The following DTNBP1 variants were observed in gnomAD, a reference collection of about 807,000 sequenced individuals.
The protein encoded by DTNBP1 is dystrobrevin binding protein 1.
DTNBP1 carries 35 observed loss-of-function variants against 42.8 expected under a neutral mutation model. The observed-to-expected ratio is 0.82, with a 90% CI of 0.63 to 1.09. The LOEUF is 1.09. Among genes scored for constraint, DTNBP1 ranks in the 50% least tolerant of loss-of-function variants. The pLI is 0.00. For synonymous variants in DTNBP1, 171 were observed against 162.2 expected (o/e 1.05, Z -0.41); for missense variants, 457 against 424.2 (o/e 1.08, Z -0.68).
intron 7 of DTNBP1, among the ~76,000 whole-genome samples, chr6:15,566,141 C>CG (rs1775065101): frequency 6.6e-6 from 1 of 151,684 alleles, no homozygotes; most frequent in Non-Finnish European, 1.5e-5. Flanking sequence ...GGTGAAACCC[C>CG]GTCTCTACTA....
intron 6 of DTNBP1, among the ~76,000 whole-genome samples, chr6:15,609,122 A>C (rs1000671198): frequency 2.0e-5 from 3 of 151,450 alleles, no homozygotes; most frequent in Admixed American, 6.6e-5. Context: ...TTAGAGGTTT[A>C]ACATTATCTT....
chr6:15,532,717 T>C (rs1369653508), intron 8 of DTNBP1, among the ~76,000 whole-genome samples: 1 of 146,804 alleles, frequency 6.8e-6, no homozygotes, highest in Non-Finnish European at 1.5e-5. Flanking sequence ...TTTTTTTTTT[T>C]TTGAGACAGT....
chr6:15,540,701 G>A (rs1773507353), intron 7 of DTNBP1, among the ~76,000 whole-genome samples: 1 of 152,106 alleles, frequency 6.6e-6, no homozygotes, highest in Admixed American at 6.6e-5. Context: ...GAGTGCAGTG[G>A]CGCGATCTCG....
intron 7 of DTNBP1, among the ~76,000 whole-genome samples, chr6:15,542,787 G>A (rs972550453): frequency 6.6e-6 from 1 of 152,070 alleles, no homozygotes; most frequent in Non-Finnish European, 1.5e-5. Flanking sequence ...CACCTCCTGG[G>A]TTTAAGTGAT....
rs191162941 is a variant in DTNBP1, at chr6:15,653,447, G to A, written c.57-1307C>T. Reference sequence around the variant, plus strand: ...CAGCTCTCACTCACTGCTTCTGCCAGCTATTTAATTCTAGCAGTCTCCTCC... The same window carrying A: ...CAGCTCTCACTCACTGCTTCTGCCAACTATTTAATTCTAGCAGTCTCCTCC... On this transcript the variant is annotated intron_variant, in intron 1 of 9. Coordinates refer to ENST00000344537, the MANE Select transcript of DTNBP1 (RefSeq NM_032122.5). 2.8e-4 allele frequency among the ~76,000 whole-genome samples: 42 copies of A among 152,278 alleles called. 1 individual carries two copies. The highest frequency in any genetic ancestry group is 1.8e-4 in the Non-Finnish European group (12 of 68,030).
At chr6:15,544,642 C>T (rs921538680) in intron 7 of DTNBP1, among the ~76,000 whole-genome samples, 2 of 152,202 alleles carry the variant, frequency 1.3e-5, no homozygotes, top group Non-Finnish European at 2.9e-5. Context: ...TGAGCACCTA[C>T]CTGATTCTAA....
At chr6:15,599,372 TG>T (rs1776635184) in intron 6 of DTNBP1, among the ~76,000 whole-genome samples, 1 of 152,158 alleles carries the variant, frequency 6.6e-6, no homozygotes, top group Admixed American at 6.5e-5. Context: ...GGCTTGAGGA[TG>T]GAAGGCCACA....
intron 4 of DTNBP1, among the ~76,000 whole-genome samples, chr6:15,636,309 C>T (rs1314976356): frequency 2.6e-5 from 4 of 152,070 alleles, no homozygotes; most frequent in Non-Finnish European, 4.4e-5. Flanking sequence ...AGCCACCACG[C>T]CCAGCTAATT....
intron 7 of DTNBP1, among the ~76,000 whole-genome samples, chr6:15,549,804 T>G (rs969136483): frequency 1.3e-5 from 2 of 152,210 alleles, no homozygotes; most frequent in African/African-American, 4.8e-5. Context: ...GATTCAGTAT[T>G]TTTAGGTTTA....
intron 2 of DTNBP1, among the ~76,000 whole-genome samples, chr6:15,651,709 C>T (rs777888898): frequency 1.3e-5 from 2 of 152,128 alleles, no homozygotes; most frequent in Non-Finnish European, 2.9e-5. Flanking sequence ...ACAGCACAAT[C>T]CTGGTGTTTT....
intron 7 of DTNBP1, among the ~76,000 whole-genome samples, chr6:15,549,683 A>G (rs1025530923): frequency 7.9e-5 from 12 of 151,856 alleles, no homozygotes; most frequent in African/African-American, 2.9e-4. Flanking sequence ...TGTCCTCACT[A>G]GGTTGCATTA....
chr6:15,632,880 T>C (rs926374090), intron 4 of DTNBP1, among the ~76,000 whole-genome samples: 3 of 152,246 alleles, frequency 2.0e-5, no homozygotes, highest in Non-Finnish European at 4.4e-5. Context: ...CATTGAAGAA[T>C]GTCTCCCAGG....
intron 3 of DTNBP1, among the ~76,000 whole-genome samples, chr6:15,640,879 C>T (rs532400949): frequency 1.3e-5 from 2 of 152,264 alleles, no homozygotes; most frequent in South Asian, 4.1e-4. Context: ...CATCCACCAC[C>T]CCAACCCCTG....
intron 7 of DTNBP1, among the ~76,000 whole-genome samples, chr6:15,580,956 A>G (rs1354781167): frequency 6.6e-6 from 1 of 152,202 alleles, no homozygotes; most frequent in Admixed American, 6.5e-5. Flanking sequence ...AGAATAAAGC[A>G]TCTACAATCA....
intron 7 of DTNBP1, among the ~76,000 whole-genome samples, chr6:15,537,898 T>C (rs1773334837): frequency 6.6e-6 from 1 of 152,214 alleles, no homozygotes; most frequent in Non-Finnish European, 1.5e-5. Flanking sequence ...AATGGACTCA[T>C]ACAGCATGTA....
chr6:15,545,287 C>T (rs1183218008), intron 7 of DTNBP1, among the ~76,000 whole-genome samples: 2 of 152,126 alleles, frequency 1.3e-5, no homozygotes, highest in South Asian at 2.1e-4. Context: ...TTATATCCAG[C>T]CTTCATCAAT....
intron 6 of DTNBP1, among the ~76,000 whole-genome samples, chr6:15,609,928 G>A (rs1445393811): frequency 1.3e-5 from 2 of 152,212 alleles, no homozygotes; most frequent in African/African-American, 4.8e-5. Flanking sequence ...CAGTTTTGCA[G>A]ATGAATGCTC....
At position 15,662,348 on chromosome 6, in the gene DTNBP1, GC is replaced by G. The variant is rs768825214; in HGVS notation, c.56+465del. Among the ~76,000 whole-genome samples, 558 of 152,360 alleles carry G rather than the reference GC, an allele frequency of 3.7e-3. 2 individuals are homozygous for G. The highest frequency in any genetic ancestry group is 6.8e-3 in the Non-Finnish European group (463 of 68,028). On this transcript the variant is annotated intron_variant, in intron 1 of 9. Transcript: ENST00000344537. Reference sequence around the variant, plus strand: ...GCGCGGAAGGCTGTGGCCGGAGGGTGCAGGCTGCTGCGCGGTGCGATCCGAC... The same window carrying G: ...GCGCGGAAGGCTGTGGCCGGAGGGTGAGGCTGCTGCGCGGTGCGATCCGAC...
At chr6:15,606,567 G>A (rs1234305224) in intron 6 of DTNBP1, among the ~76,000 whole-genome samples, 1 of 152,140 alleles carries the variant, frequency 6.6e-6, no homozygotes, top group Non-Finnish European at 1.5e-5. Flanking sequence ...AGCTGAATGA[G>A]AAAAGCCATA....
Sources: allele counts gnomAD v4.1 joint callset (sites outside exome capture counted in the v4.1 genomes callset), GRCh38; gene constraint gnomAD v4.1.1; transcripts MANE v1.5; gene names NCBI Gene and HGNC (gene_info 2026-07-23, HGNC 2026-07-21).